The following SPOP variants were observed in gnomAD, a reference collection of about 807,000 sequenced individuals.
The protein encoded by SPOP is speckle-type POZ protein.
SPOP carries 11 observed loss-of-function variants against 45.6 expected under a neutral mutation model. That is an observed-to-expected ratio of 0.24 (90% CI 0.15 to 0.40). The LOEUF (loss-of-function observed/expected upper bound fraction) is 0.40, where lower values mean the gene tolerates loss of function less well. Ranked by LOEUF, SPOP falls within the 10% of genes least tolerant of loss-of-function variation. The pLI, the probability that SPOP is intolerant of heterozygous loss-of-function variation, is 1.00. For missense variants in SPOP, 152 were observed against 465.6 expected (o/e 0.33, Z 6.20); for synonymous variants, 166 against 166.3 (o/e 1.00, Z 0.01).
At chr17:49,674,279 C>CTAT (rs2073173151) in intron 1 of SPOP, among the ~76,000 whole-genome samples, 2 of 152,272 alleles carry the variant, frequency 1.3e-5, no homozygotes, top group South Asian at 4.1e-4. Context: ...AGTAGAATTG[C>CTAT]TATTAGTTCT....
intron 1 of SPOP, among the ~76,000 whole-genome samples, chr17:49,624,124 G>C: frequency 6.6e-6 from 1 of 152,056 alleles, no homozygotes; most frequent in East Asian, 1.9e-4. Context: ...AAAAAAACTG[G>C]TGAACTTGGG....
intron 1 of SPOP, among the ~76,000 whole-genome samples, chr17:49,640,577 T>C (rs572787629): frequency 5.9e-5 from 9 of 152,280 alleles, no homozygotes; most frequent in East Asian, 1.9e-4. Flanking sequence ...CCAAATTATT[T>C]TGAGACAAAA....
At chr17:49,637,801 C>T (rs1007990160) in intron 1 of SPOP, among the ~76,000 whole-genome samples, 3 of 152,192 alleles carry the variant, frequency 2.0e-5, no homozygotes, top group Non-Finnish European at 4.4e-5. Context: ...ATGTAAAACA[C>T]CTTTTAAAAA....
At chr17:49,675,101 C>T (rs1281561547) in intron 1 of SPOP, among the ~76,000 whole-genome samples, 1 of 152,168 alleles carries the variant, frequency 6.6e-6, no homozygotes, top group Admixed American at 6.6e-5. Flanking sequence ...TTAGTAATAC[C>T]TAACAACATT....
At chr17:49,602,055 C>G in intron 8 of SPOP, 48 bp from the exon 9 acceptor site, 1 of 1,600,072 alleles carries the variant, frequency 6.2e-7, no homozygotes, top group Non-Finnish European at 8.5e-7. Context: ...TAGTTCTGGG[C>G]TGACCACTAC....
intron 1 of SPOP, among the ~76,000 whole-genome samples, chr17:49,630,463 T>A (rs924052803): frequency 1.3e-5 from 2 of 152,152 alleles, no homozygotes; most frequent in East Asian, 1.9e-4. Flanking sequence ...ACTTAAAAAA[T>A]TTTTAGAGAC....
At position 49,607,949 on chromosome 17, in the gene SPOP, C is replaced by T. The variant is rs756622280; in HGVS notation, c.659-20G>A. 6.2e-7 allele frequency: 1 copy of T among 1,611,052 alleles called. No homozygotes were observed. The highest frequency in any genetic ancestry group is 1.1e-5 in the South Asian group (1 of 90,782). Reference sequence around the variant, plus strand: ...AACGAGCTACAAAGTCAAAGAGAAACAAGCAGATAAGGCTATCACAGTGAA... The same window carrying T: ...AACGAGCTACAAAGTCAAAGAGAAATAAGCAGATAAGGCTATCACAGTGAA... On this transcript the variant is annotated intron_variant, in intron 6 of 9. Coordinates refer to ENST00000504102, the MANE Select transcript of SPOP (RefSeq NM_001007228.2).
chr17:49,673,377 G>A (rs1338160428), intron 1 of SPOP, among the ~76,000 whole-genome samples: 2 of 151,500 alleles, frequency 1.3e-5, no homozygotes, highest in African/African-American at 2.4e-5. Flanking sequence ...GTGGTGGCGG[G>A]CGCCTGTAGT....
intron 1 of SPOP, among the ~76,000 whole-genome samples, chr17:49,664,446 T>C (rs1391302480): frequency 6.6e-6 from 1 of 152,228 alleles, no homozygotes; most frequent in East Asian, 1.9e-4. Flanking sequence ...ATATATTATG[T>C]TAACGAGAAA....
At chr17:49,644,891 G>A (rs1192327278) in intron 1 of SPOP, among the ~76,000 whole-genome samples, 1 of 152,120 alleles carries the variant, frequency 6.6e-6, no homozygotes. Context: ...GCAATAGGTT[G>A]TCTCTGGTAG....
chr17:49,635,753 G>A (rs992631709), intron 1 of SPOP, among the ~76,000 whole-genome samples: 1 of 149,104 alleles, frequency 6.7e-6, no homozygotes, highest in Admixed American at 6.8e-5. Flanking sequence ...TCCCACCTCA[G>A]CCTCCCGAGT....
intron 6 of SPOP, among the ~76,000 whole-genome samples, chr17:49,609,269 G>C (rs1265794327): frequency 6.6e-6 from 1 of 152,096 alleles, no homozygotes; most frequent in Non-Finnish European, 1.5e-5. Context: ...CTGAACTTCA[G>C]TATTTTAATT....
chr17:49,619,697 C>A lies in SPOP; in HGVS notation c.201-312G>T, dbSNP rs375180089. Among the ~76,000 whole-genome samples, 66 of 152,190 alleles carry A rather than the reference C, an allele frequency of 4.3e-4. 2 individuals are homozygous for A. The highest frequency in any genetic ancestry group is 1.5e-3 in the African/African-American group (63 of 41,532). On this transcript the variant is annotated intron_variant, in intron 3 of 9. Transcript: ENST00000504102. This position sits in a 1 kb window ranked among gnomAD's most constrained non-coding sequence, Gnocchi z 4.9. ...TACAGATGTGCACCACCATGGCCAGCTAATTTTTGTAGAGATGGGGTTTCG... is the reference window on the plus strand; with the variant it reads ...TACAGATGTGCACCACCATGGCCAGATAATTTTTGTAGAGATGGGGTTTCG...
At chr17:49,658,643 G>A (rs1453945532) in intron 1 of SPOP, among the ~76,000 whole-genome samples, 3 of 152,244 alleles carry the variant, frequency 2.0e-5, no homozygotes, top group East Asian at 1.9e-4. Flanking sequence ...TGTTTCCATC[G>A]GCGGTGGCAG....
chr17:49,601,417 C>G (rs1291470596), intron 9 of SPOP: 1 of 153,392 alleles, frequency 6.5e-6, no homozygotes, highest in Non-Finnish European at 1.5e-5. Flanking sequence ...AAGGAACAGA[C>G]CTAGTGGAAT....
intron 1 of SPOP, among the ~76,000 whole-genome samples, chr17:49,673,367 G>A (rs1301084652): frequency 1.3e-5 from 2 of 152,126 alleles, no homozygotes; most frequent in South Asian, 4.2e-4. Flanking sequence ...TTAGCCGGGC[G>A]TGGTGGCGGG....
At chr17:49,642,908 A>C (rs2072685617) in intron 1 of SPOP, among the ~76,000 whole-genome samples, 1 of 152,372 alleles carries the variant, frequency 6.6e-6, no homozygotes, top group African/African-American at 2.4e-5. Flanking sequence ...TTTTGATGGA[A>C]TACGTCATCT....
At position 49,610,807 on chromosome 17, in the gene SPOP, G is replaced by A. The variant is rs75226341; in HGVS notation, c.658+473C>T. Among the ~76,000 whole-genome samples the A allele has an allele frequency of 5.9e-3, 893 of 152,276 alleles. 13 individuals are homozygous for A. Among genetic ancestry groups the A allele is most frequent in the African/African-American group, 0.019 (775 of 41,572 alleles). ...TCTTGAAAACCATGGGCCTATTAAA[G>A]CAAGACCTGATCCTCCATGTCAGGG... is the stretch of plus-strand genomic sequence containing the variant. On this transcript the variant is annotated intron_variant, in intron 6 of 9. Transcript: ENST00000504102.
In SPOP at chr17:49,664,922, G is replaced by A. The variant is rs148286705; in HGVS notation, c.-67+13011C>T. On this transcript the variant is annotated intron_variant, in intron 1 of 9. Coordinates refer to ENST00000504102, the MANE Select transcript of SPOP (RefSeq NM_001007228.2). ...CAGCTTTTCCTTAGATTCTGCAACA[G>A]CTATTTCCTTTTTCCTTTAGATAAA... 6.8e-4 allele frequency among the ~76,000 whole-genome samples: 104 copies of A among 152,224 alleles called. No individual in the cohort carries two copies. In the East Asian group the frequency reaches 0.011, roughly 17 times the overall value.
Sources: allele counts gnomAD v4.1 joint callset (sites outside exome capture counted in the v4.1 genomes callset), GRCh38; gene constraint gnomAD v4.1.1; non-coding constraint Gnocchi (gnomAD v3.1); transcripts MANE v1.5; gene names NCBI Gene and HGNC (gene_info 2026-07-23, HGNC 2026-07-21).